PCDHGA5: variants seen among roughly 807,000 people sequenced by gnomAD.
The protein encoded by PCDHGA5 is protocadherin gamma subfamily A, 5.
A neutral mutation model predicts 56.7 loss-of-function variants in PCDHGA5; 36 were observed. The observed-to-expected ratio is 0.64, with a 90% CI of 0.49 to 0.84. The LOEUF (loss-of-function observed/expected upper bound fraction) is 0.84. PCDHGA5 is among the 40% of genes least tolerant of loss of function. The probability of loss-of-function intolerance (pLI) is 0.00; values close to 1 mark genes in which losing one functional copy is unlikely to be tolerated. For missense variants in PCDHGA5, 1,305 were observed against 1,201.5 expected, an observed-to-expected ratio of 1.09 and a Z score of -1.27; for synonymous variants, 563 against 520.2, an observed-to-expected ratio of 1.08 and a Z score of -1.12.
rs1438257730 is a variant in PCDHGA5, at chr5:141,477,587, C to G, written c.2422-17220C>G. 4.3e-6 allele frequency: 7 copies of G among 1,614,094 alleles called. 1 individual carries two copies. In the South Asian group the frequency reaches 7.7e-5, roughly 18 times the overall value. ...GGACCCCGACGCCCCGCAGAATGCT[C>G]GGCTTTCTTTCTTTCTCTTGGAGCA... On this transcript the variant is annotated intron_variant, in intron 1 of 3. Transcript: ENST00000518069. The surrounding 1 kb of genome is among the most constrained non-coding windows in gnomAD (Gnocchi z 4.9).
intron 1 of PCDHGA5, chr5:141,408,692 A>C: frequency 6.2e-7 from 1 of 1,613,906 alleles, no homozygotes; most frequent in Non-Finnish European, 8.5e-7. Context: ...TGATATAAAC[A>C]TAAACTCAAT....
chr5:141,403,895 T>C, intron 1 of PCDHGA5: 1 of 1,613,884 alleles, frequency 6.2e-7, no homozygotes, highest in Non-Finnish European at 8.5e-7. Context: ...ATGTTCATTT[T>C]ATGAAATGGA....
chr5:141,454,228 T>C (rs6896225), intron 1 of PCDHGA5, among the ~76,000 whole-genome samples: 1,935 of 152,208 alleles, frequency 0.013, 54 homozygotes, highest in African/African-American at 0.044. Flanking sequence ...AAAGTAATTG[T>C]GATGAAAAGG....
At chr5:141,406,025 G>A (rs1367856742) in intron 1 of PCDHGA5, among the ~76,000 whole-genome samples, 1 of 151,502 alleles carries the variant, frequency 6.6e-6, no homozygotes, top group Non-Finnish European at 1.5e-5. Flanking sequence ...TTTTGGGTAG[G>A]GTTGCTTCAT....
chr5:141,456,299 A>G (rs11167748), intron 1 of PCDHGA5, among the ~76,000 whole-genome samples: 25,602 of 152,048 alleles, frequency 0.17, 2,205 homozygotes, highest in South Asian at 0.22. Context: ...TCTAATGGAG[A>G]ACAGCAGCTA....
Position 141,489,245 on chromosome 5 carries a change from G to A in PCDHGA5, c.2422-5562G>A, listed in dbSNP as rs773391205. 3 of 1,536,634 alleles carry A rather than the reference G, an allele frequency of 2.0e-6. No homozygotes were observed. The South Asian group carries it at 3.9e-5, about 20-fold the overall frequency. On this transcript the variant is annotated intron_variant, in intron 1 of 3. Transcript: ENST00000518069. The surrounding 1 kb of genome is among the most constrained non-coding windows in gnomAD (Gnocchi z 4.5). The stretch of plus-strand genomic sequence containing the variant: ...CCACAAAGGGACTTCTGGGTCATGG[G>A]GCCCAAGACACTCCCACAGCTCGCT...
At chr5:141,376,005 G>A (rs1265900699) in intron 1 of PCDHGA5, 1 of 1,613,430 alleles carries the variant, frequency 6.2e-7, no homozygotes, top group Non-Finnish European at 8.5e-7. Flanking sequence ...CTCAAGCAGA[G>A]CCTAGTGGTG....
intron 1 of PCDHGA5, chr5:141,398,768 C>T (rs1177677138): frequency 6.2e-6 from 10 of 1,613,946 alleles, no homozygotes; most frequent in South Asian, 1.1e-5. Context: ...GTCCTGACTG[C>T]CTTGGACGGT....
At chr5:141,508,760 T>A (rs1004267844) in intron 3 of PCDHGA5, among the ~76,000 whole-genome samples, 17 of 151,522 alleles carry the variant, frequency 1.1e-4, no homozygotes, top group Admixed American at 1.1e-3. Flanking sequence ...CTCTGGCGCC[T>A]CTGAGGTCCC....
intron 1 of PCDHGA5, among the ~76,000 whole-genome samples, chr5:141,445,953 T>C (rs550111391): frequency 2.0e-4 from 31 of 152,308 alleles, no homozygotes; most frequent in Middle Eastern, 3.4e-3. Flanking sequence ...CTCTGGCTGC[T>C]ATATGGAGAA....
intron 1 of PCDHGA5, chr5:141,400,151 C>T: frequency 6.2e-7 from 1 of 1,614,086 alleles, no homozygotes; most frequent in Non-Finnish European, 8.5e-7. Context: ...ACTGACCGCC[C>T]TGTACCCTCT....
At position 141,490,852 on chromosome 5, in the gene PCDHGA5, G is replaced by A. The variant is rs759198428; in HGVS notation, c.2422-3955G>A. 2 of 1,613,896 alleles carry A rather than the reference G, an allele frequency of 1.2e-6. No individual in the cohort carries two copies. Among genetic ancestry groups the A allele is most frequent in the Non-Finnish European group, 1.7e-6 (2 of 1,179,928 alleles). ...GCTGCAGATTGTGGTGGGGGTTCGA[G>A]ACTCCGGCTCTCCCCCATTGCATGC... On this transcript the variant is annotated intron_variant, in intron 1 of 3. Transcript: ENST00000518069. The surrounding 1 kb of genome is among the most constrained non-coding windows in gnomAD (Gnocchi z 5.4).
chr5:141,383,455 G>A (rs1330166497), intron 1 of PCDHGA5: 1 of 1,613,936 alleles, frequency 6.2e-7, no homozygotes, highest in South Asian at 1.1e-5. Context: ...GCAAAGTGGA[G>A]ACGATGAAAC....
rs2099745664 is a variant in PCDHGA5 at position 141,493,015 on chromosome 5, T to A, written c.2422-1792T>A. Among the ~76,000 whole-genome samples, 1 of 152,238 alleles carries A rather than the reference T, an allele frequency of 6.6e-6. No homozygotes were observed. The highest frequency in any genetic ancestry group is 1.5e-5 in the Non-Finnish European group (1 of 68,040). ...ATGGAAAGCTATAGGCTCTGCCAGA[T>A]GCCAGGGTGCCCTTATGTGTGAGGA... On this transcript the variant is annotated intron_variant, in intron 1 of 3. Transcript: ENST00000518069. The surrounding 1 kb of genome is among the most constrained non-coding windows in gnomAD (Gnocchi z 4.3).
chr5:141,470,742 G>T (rs2099238719), intron 1 of PCDHGA5, among the ~76,000 whole-genome samples: 1 of 152,066 alleles, frequency 6.6e-6, no homozygotes, highest in African/African-American at 2.4e-5. Flanking sequence ...CTGTCGCCCT[G>T]GCTGGAGTGC....
chr5:141,380,372 C>A (rs73265858), intron 1 of PCDHGA5, among the ~76,000 whole-genome samples: 1 of 151,948 alleles, frequency 6.6e-6, no homozygotes. Context: ...AAAAAAAAGT[C>A]CCAAAAAAGA....
At chr5:141,450,055 G>A (rs1325291695) in intron 1 of PCDHGA5, among the ~76,000 whole-genome samples, 2 of 137,594 alleles carry the variant, frequency 1.5e-5, no homozygotes, top group Non-Finnish European at 3.0e-5. Flanking sequence ...CGCCCAGGCT[G>A]GAATGCAGTG....
Position 141,398,399 on chromosome 5 carries a change from A to G in PCDHGA5, c.2421+31648A>G, listed in dbSNP as rs763282563. 8 of 1,466,584 alleles carry G rather than the reference A, an allele frequency of 5.5e-6. No individual in the cohort carries two copies. In the Admixed American group the frequency reaches 7.2e-5, roughly 13 times the overall value. 90.8% of individuals were successfully genotyped at this position (1,466,584 alleles called of 1,614,324 possible). ...GAGTTGCTTGTGAGCAGCAGGCTAG[A>G]CAGGGAGGAGATATGCGGGAAGAAG... On this transcript the variant is annotated intron_variant, in intron 1 of 3. Coordinates refer to ENST00000518069, the MANE Select transcript of PCDHGA5 (RefSeq NM_018918.3).
At chr5:141,375,812 C>T (rs1162133634) in intron 1 of PCDHGA5, 1 of 1,614,208 alleles carries the variant, frequency 6.2e-7, no homozygotes, top group Non-Finnish European at 8.5e-7. Context: ...TGGCGTGGAG[C>T]TGGCGCCCCG....
Sources: gnomAD v4.1 joint callset for allele counts (sites outside exome capture counted in the v4.1 genomes callset) on GRCh38, gnomAD v4.1.1 for gene constraint, Gnocchi (gnomAD v3.1) non-coding constraint, MANE v1.5 for transcripts, NCBI Gene and HGNC (gene_info 2026-07-23, HGNC 2026-07-21) for gene names.